The following GRB10 variants were observed in gnomAD, a reference collection of about 807,000 sequenced individuals.
GRB10 encodes growth factor receptor bound protein 10.
A neutral mutation model predicts 80.9 loss-of-function variants in GRB10; 20 were observed. That is an observed-to-expected ratio of 0.25 (90% CI 0.17 to 0.36). The LOEUF (loss-of-function observed/expected upper bound fraction) is 0.36, where lower values mean the gene tolerates loss of function less well. Ranked by LOEUF, GRB10 falls within the 10% of genes least tolerant of loss-of-function variation. GRB10 has a pLI of 1.00. For synonymous variants in GRB10, 291 were observed against 291.5 expected (o/e 1.00, Z 0.02); for missense variants, 548 against 747.7 (o/e 0.73, Z 3.12).
intron 7 of GRB10, among the ~76,000 whole-genome samples, chr7:50,651,904 T>A (rs1239887653): frequency 2.6e-5 from 4 of 152,260 alleles, no homozygotes; most frequent in Admixed American, 6.5e-5. Flanking sequence ...GTCTCTTCTG[T>A]GTTTCCATCC....
rs149117525 is a variant in GRB10 at position 50,731,244 on chromosome 7, G to A, written c.51+1028C>T. Among the ~76,000 whole-genome samples, 432 of 151,258 alleles carry A rather than the reference G, an allele frequency of 2.9e-3. 1 individual carries two copies. The highest frequency in any genetic ancestry group is 8.8e-3 in the African/African-American group (364 of 41,136). ...ATTTTGGCTTTGTGTCACATTCGAC[G>A]ATTAGAATGAACGGTATTCCTAATC... On this transcript the variant is annotated intron_variant, in intron 4 of 18. Transcript: ENST00000401949.
chr7:50,736,470 T>C (rs1054331320), intron 3 of GRB10, among the ~76,000 whole-genome samples: 1 of 152,100 alleles, frequency 6.6e-6, no homozygotes, highest in African/African-American at 2.4e-5. Flanking sequence ...GACCATTCGC[T>C]GAGGAAAAGA....
chr7:50,612,637 C>A (rs1439238819), intron 13 of GRB10, 104 bp downstream of exon 13: 3 of 757,464 alleles, frequency 4.0e-6, no homozygotes, highest in Non-Finnish European at 4.7e-6. Context: ...GACAGAACAG[C>A]GGAAAAGTTA....
chr7:50,606,506 T>G, intron 13 of GRB10, 92 bp from the exon 14 acceptor site: 1 of 897,344 alleles, frequency 1.1e-6, no homozygotes, highest in Non-Finnish European at 1.9e-6. Flanking sequence ...CAATGTTGAG[T>G]GCGGAACAGG....
chr7:50,773,483 C>CAGGGGAGGGGAGGGG (rs55866161), intron 2 of GRB10, among the ~76,000 whole-genome samples: 1 of 43,338 alleles, frequency 2.3e-5, no homozygotes, highest in Non-Finnish European at 4.0e-5. Flanking sequence ...GAGGGGAAGG[C>CAGGGGAGGGGAGGGG]AGGGGAGGGG....
In GRB10 at chr7:50,596,007, C is replaced by T. The variant is rs537652545; in HGVS notation, c.1545-477G>A. On this transcript the variant is annotated intron_variant, in intron 17 of 18. Transcript: ENST00000401949. ...AAATAAATAAGCAAATAAATTAATA[C>T]GGGAGAAGATGAAAATCTTTCTTGG... Among the ~76,000 whole-genome samples, 73 of 152,056 alleles carry T rather than the reference C, an allele frequency of 4.8e-4. 1 individual carries two copies. Among genetic ancestry groups the T allele is most frequent in the South Asian group, 1.5e-3 (7 of 4,822 alleles).
intron 2 of GRB10, among the ~76,000 whole-genome samples, chr7:50,765,366 G>A (rs905431751): frequency 2.0e-5 from 3 of 152,124 alleles, no homozygotes; most frequent in Non-Finnish European, 2.9e-5. Context: ...CTGCACACCC[G>A]TGTTTACTGC....
At chr7:50,742,271 G>GCACACACACA (rs55813195) in intron 3 of GRB10, among the ~76,000 whole-genome samples, 6 of 46,910 alleles carry the variant, frequency 1.3e-4, no homozygotes, top group Middle Eastern at 0.024. Context: ...ACGCGCGCGC[G>GCACACACACA]CACACACACA....
chr7:50,591,129 C>T lies in GRB10; in HGVS notation c.*1823G>A, dbSNP rs1030395037. 6.6e-6 allele frequency: 1 copy of T among 152,228 alleles called. No homozygotes were observed. The highest frequency in any genetic ancestry group is 2.1e-4 in the South Asian group (1 of 4,834). The allele number at this position is 152,228 out of a possible 1,614,324, so 9.4% of individuals were successfully genotyped here. A position where few individuals can be genotyped will look rare whatever the true frequency, so the allele number is the denominator to read the frequency against. On this transcript the variant is annotated 3_prime_UTR_variant, in exon 19 of 19. Coordinates refer to ENST00000401949, the MANE Select transcript of GRB10 (RefSeq NM_001350814.2). ...GTGAACGTGAGAATTATCTTACTGT[C>T]AATAGTTTGAAAGACTGACTGGCTG...
chr7:50,659,050 C>T (rs1288885574), intron 7 of GRB10, among the ~76,000 whole-genome samples: 1 of 152,190 alleles, frequency 6.6e-6, no homozygotes, highest in Non-Finnish European at 1.5e-5. Context: ...GCACCCTTTC[C>T]CAAAGTGCGT....
intron 4 of GRB10, 21 bp downstream of exon 4, chr7:50,732,251 G>A (rs374923634): frequency 1.9e-6 from 3 of 1,613,028 alleles, no homozygotes; most frequent in African/African-American, 1.3e-5. Context: ...GCCAGGATCA[G>A]ATATATGTGC....
At chr7:50,659,610 T>C (rs1243662791) in intron 7 of GRB10, among the ~76,000 whole-genome samples, 1 of 143,468 alleles carries the variant, frequency 7.0e-6, no homozygotes, top group Non-Finnish European at 1.5e-5. Flanking sequence ...CAATAGTGTG[T>C]GTGCCCACGT....
At chr7:50,698,744 C>T (rs140376154) in intron 5 of GRB10, among the ~76,000 whole-genome samples, 300 of 152,360 alleles carry the variant, frequency 2.0e-3, no homozygotes, top group African/African-American at 5.8e-3. Context: ...ATCCTCCAAA[C>T]GCCTTGTTGT....
intron 3 of GRB10, among the ~76,000 whole-genome samples, chr7:50,738,351 T>C (rs996476746): frequency 2.6e-5 from 4 of 152,240 alleles, no homozygotes; most frequent in Non-Finnish European, 5.9e-5. Flanking sequence ...GCAGCACTAT[T>C]CACAATAGCC....
chr7:50,642,371 G>A (rs574284949), intron 7 of GRB10, among the ~76,000 whole-genome samples: 20 of 151,804 alleles, frequency 1.3e-4, no homozygotes, highest in Middle Eastern at 3.4e-3. Context: ...CATATATGCC[G>A]TATACACCTA....
At chr7:50,725,045 G>C (rs968269949) in intron 4 of GRB10, among the ~76,000 whole-genome samples, 2 of 152,182 alleles carry the variant, frequency 1.3e-5, no homozygotes, top group African/African-American at 2.4e-5. Flanking sequence ...CCTGCTGCCT[G>C]CTCTGCTGGT....
In GRB10 at chr7:50,595,446, C is replaced by G. The variant is rs747113863; in HGVS notation, c.1629G>C (p.Gln543His). 1 of 1,560,888 alleles carries G rather than the reference C, an allele frequency of 6.4e-7. No individual in the cohort carries two copies. The highest frequency in any genetic ancestry group is 1.4e-5 in the African/African-American group (1 of 73,866). ...GAACATCAATACTTACAGGTAAGAT[C>G]TGGAAATTTTTAATTTTCTGGTGAT... is the stretch of plus-strand genomic sequence containing the variant. ...LCHHQKIKNF[Q>H]ILPCEDDGQT... The change falls in exon 18 of 19, where the codon CAG becomes CAC. Residue 543 changes from glutamine to histidine, a missense_variant. Gln to His is a conservative substitution (Grantham distance 24). Coordinates refer to ENST00000401949, the MANE Select transcript of GRB10 (RefSeq NM_001350814.2).
At chr7:50,666,900 C>T (rs1223502629) in intron 7 of GRB10, among the ~76,000 whole-genome samples, 5 of 151,898 alleles carry the variant, frequency 3.3e-5, no homozygotes, top group South Asian at 2.1e-4. Context: ...ATTAGCCGGG[C>T]GTGGTGGCGG....
intron 5 of GRB10, among the ~76,000 whole-genome samples, chr7:50,682,336 A>T (rs896998970): frequency 6.6e-6 from 1 of 152,180 alleles, no homozygotes; most frequent in South Asian, 2.1e-4. Context: ...GGCTCTGCTC[A>T]TTTTGGCCTA....
Sources: allele counts gnomAD v4.1 joint callset (sites outside exome capture counted in the v4.1 genomes callset), GRCh38; gene constraint gnomAD v4.1.1; transcripts MANE v1.5; gene names NCBI Gene and HGNC (gene_info 2026-07-23, HGNC 2026-07-21).